SLC25A25: variants seen among roughly 807,000 people sequenced by gnomAD.
SLC25A25 encodes the protein solute carrier family 25 member 25, also known as mitochondrial adenyl nucleotide antiporter SLC25A25.
A neutral mutation model predicts 57.7 loss-of-function variants in SLC25A25; 32 were observed. The ratio of observed to expected loss-of-function variants is 0.55; its 90% CI spans 0.42 to 0.74. The LOEUF (loss-of-function observed/expected upper bound fraction) is 0.74, where lower values mean the gene tolerates loss of function less well. Ranked by LOEUF, SLC25A25 falls within the 30% of genes least tolerant of loss-of-function variation. SLC25A25 has a pLI of 0.00. For missense variants in SLC25A25, 556 were observed against 701.3 expected (o/e 0.79, Z 2.34); for synonymous variants, 306 against 291.2 (o/e 1.05, Z -0.52).
chr9:128,091,484 G>T, intron 1 of SLC25A25: 1 of 987,742 alleles, frequency 1.0e-6, no homozygotes, highest in Non-Finnish European at 1.2e-6. Flanking sequence ...CTGAATAACT[G>T]GGAGCTCGAA....
intron 1 of SLC25A25, among the ~76,000 whole-genome samples, chr9:128,096,464 G>A (rs1273424851): frequency 1.3e-5 from 2 of 152,198 alleles, no homozygotes; most frequent in African/African-American, 2.4e-5. Context: ...AGCCGAGATC[G>A]TGCCACTGCA....
chr9:128,074,636 G>C (rs1385736139), intron 1 of SLC25A25, among the ~76,000 whole-genome samples: 1 of 152,214 alleles, frequency 6.6e-6, no homozygotes, highest in East Asian at 2.0e-4. Flanking sequence ...TTGATCCCAG[G>C]AGACGGAGGT....
intron 1 of SLC25A25, among the ~76,000 whole-genome samples, chr9:128,089,927 G>A (rs1476691840): frequency 1.3e-5 from 2 of 152,018 alleles, no homozygotes; most frequent in Non-Finnish European, 2.9e-5. Context: ...AAGCCACTGC[G>A]CTCGGCCTTC....
intron 1 of SLC25A25, among the ~76,000 whole-genome samples, chr9:128,075,995 C>T (rs944197419): frequency 2.0e-5 from 3 of 152,142 alleles, no homozygotes; most frequent in Admixed American, 6.5e-5. Flanking sequence ...CCTCTTATCT[C>T]GGCTTCCCAA....
At position 128,107,010 on chromosome 9, in the gene SLC25A25, T is replaced by C. The variant is rs376405588; in HGVS notation, c.1213-19T>C. The C allele has an allele frequency of 1.3e-5, 21 of 1,611,274 alleles. No homozygotes were observed. The South Asian group carries it at 1.8e-4, about 14-fold the overall frequency. On this transcript the variant is annotated intron_variant, in intron 9 of 10. Transcript: ENST00000373069. ...CTAGCCCTTCCTAGGGCTTATCCCA[T>C]GCTCCCTTCTCCTTCTAGACGCTCA...
chr9:128,091,872 T>C (rs1182986997), intron 1 of SLC25A25: 1 of 1,607,630 alleles, frequency 6.2e-7, no homozygotes, highest in Non-Finnish European at 8.5e-7. Flanking sequence ...GAGACCGTGA[T>C]GTTGCAGATG....
At chr9:128,092,488 G>C (rs1165041008) in intron 1 of SLC25A25, among the ~76,000 whole-genome samples, 3 of 152,194 alleles carry the variant, frequency 2.0e-5, no homozygotes, top group Admixed American at 1.3e-4. Flanking sequence ...GTTGCTTGGA[G>C]CTGTGGGGGT....
At position 128,107,886 on chromosome 9, in the gene SLC25A25, G is replaced by A. The variant is rs1564199304; in HGVS notation, c.*442G>A. The A allele has an allele frequency of 2.5e-6, 1 of 401,352 alleles. No individual in the cohort carries two copies. Among genetic ancestry groups the A allele is most frequent in the Non-Finnish European group, 4.4e-6 (1 of 227,930 alleles). 24.9% of individuals were successfully genotyped at this position (401,352 alleles called of 1,614,324 possible). On this transcript the variant is annotated 3_prime_UTR_variant, in exon 11 of 11. Transcript: ENST00000373069. ...CCTGTCTGCTGAGGTAAGGTGGGAG[G>A]AGGGCTACAGCCCACATCCCACCCC...
Position 128,101,461 on chromosome 9 carries a change from C to G in SLC25A25, c.476+65C>G, listed in dbSNP as rs1564191969. The G allele has an allele frequency of 6.5e-7, 1 of 1,545,302 alleles. No homozygotes were observed. Among genetic ancestry groups the G allele is most frequent in the Admixed American group, 1.8e-5 (1 of 56,892 alleles). On this transcript the variant is annotated intron_variant, in intron 3 of 10. Transcript: ENST00000373069. This position sits in a 1 kb window ranked among gnomAD's most constrained non-coding sequence, Gnocchi z 4.9. ...ATGAAGGGAAGGCTCTGAGACTAACCCTCCGATGCCATTCCCTGGGCTGAC... is the reference window on the plus strand; with the variant it reads ...ATGAAGGGAAGGCTCTGAGACTAACGCTCCGATGCCATTCCCTGGGCTGAC...
intron 1 of SLC25A25, among the ~76,000 whole-genome samples, chr9:128,078,182 G>C (rs1047769015): frequency 6.6e-6 from 1 of 152,134 alleles, no homozygotes; most frequent in Non-Finnish European, 1.5e-5. Flanking sequence ...CTGCATAAGG[G>C]GGGTGTGTGG....
intron 1 of SLC25A25, among the ~76,000 whole-genome samples, chr9:128,082,148 G>A (rs1421013530): frequency 6.6e-6 from 1 of 152,198 alleles, no homozygotes; most frequent in African/African-American, 2.4e-5. Flanking sequence ...CCACAAGACT[G>A]AGGGTTTTCA....
At chr9:128,069,639 T>A (rs1296309500) in intron 1 of SLC25A25, among the ~76,000 whole-genome samples, 1 of 152,242 alleles carries the variant, frequency 6.6e-6, no homozygotes, top group Non-Finnish European at 1.5e-5. Flanking sequence ...TTCAAGATTC[T>A]TGGATCAACA....
intron 1 of SLC25A25, among the ~76,000 whole-genome samples, chr9:128,086,172 G>T (rs77516209): frequency 6.7e-6 from 1 of 149,646 alleles, no homozygotes; most frequent in Admixed American, 6.7e-5. Flanking sequence ...TTTTGTTGTT[G>T]TTTTTTTTTA....
At chr9:128,083,826 A>T (rs1258790102) in intron 1 of SLC25A25, among the ~76,000 whole-genome samples, 1 of 151,772 alleles carries the variant, frequency 6.6e-6, no homozygotes, top group South Asian at 2.1e-4. Flanking sequence ...CTGAGTGTTA[A>T]TATTTCTAAG....
chr9:128,073,664 T>C (rs899625890), intron 1 of SLC25A25, among the ~76,000 whole-genome samples: 2 of 152,164 alleles, frequency 1.3e-5, no homozygotes, highest in African/African-American at 4.8e-5. Flanking sequence ...AATTCATATA[T>C]TAAACTAATT....
rs1196675836 is a variant in SLC25A25 at position 128,101,372 on chromosome 9, A to G, written c.452A>G (p.Gln151Arg). Residue 151 changes from glutamine (Q) to arginine (R), a missense_variant, in exon 3 of 11, where the codon CAG becomes CGG. By Grantham distance (43) the Gln-to-Arg change is conservative (BLOSUM62 1). Transcript: ENST00000373069. This position sits in a 1 kb window ranked among gnomAD's most constrained non-coding sequence, Gnocchi z 4.9. The stretch of plus-strand genomic sequence containing the variant: ...GACTTGGGAGTCAAGATATCTGAAC[A>G]GCAGGCAGAAAAAATTCTCAAGAGG... ...LRDLGVKISE[Q>R]QAEKILKRIR... The G allele has an allele frequency of 1.2e-6, 2 of 1,614,266 alleles. No homozygotes were observed.
At position 128,068,564 on chromosome 9, in the gene SLC25A25, C is replaced by T. The variant is rs1832832335; in HGVS notation, c.245C>T (p.Thr82Ile). ...VGLRRLGLHR[T>I]EGELQKIVQA... The stretch of plus-strand genomic sequence containing the variant: ...CTGCGGCGCCTGGGACTGCACCGCA[C>T]CGAGGGCGAGCTCCAGGTAGGCTGC... The change falls in exon 1 of 11, where the codon ACC (threonine) becomes ATC (isoleucine). Residue 82 changes from threonine (T) to isoleucine (I), a missense_variant. Thr to Ile is a moderately conservative substitution (Grantham distance 89). Around this residue, in one of 3 missense-constraint regions of SLC25A25, gnomAD observed 248 missense variants for 273.5 expected, o/e 0.91. Transcript: ENST00000373069. 1 of 1,423,140 alleles carries T rather than the reference C, an allele frequency of 7.0e-7. No homozygotes were observed. The highest frequency in any genetic ancestry group is 9.2e-7 in the Non-Finnish European group (1 of 1,091,926). The allele number at this position is 1,423,140 out of a possible 1,614,324, so 88.2% of individuals were successfully genotyped here. A position where few individuals can be genotyped will look rare whatever the true frequency, so the allele number is the denominator to read the frequency against.
At chr9:128,100,941 A>T (rs141730273) in intron 1 of SLC25A25, 155 bp from the exon 2 acceptor site, 2 of 1,017,104 alleles carry the variant, frequency 2.0e-6, no homozygotes, top group African/African-American at 1.6e-5. Context: ...GTCGATTGCC[A>T]TGGTGGCTCT....
chr9:128,099,384 C>A lies in SLC25A25; in HGVS notation c.262-1712C>A, dbSNP rs1303264208. ...TTTGAGAATGCGTTGAAGCCAGCTGCGGTGAGCACACCCTCTGCTCTGGGT... is the reference window on the plus strand; with the variant it reads ...TTTGAGAATGCGTTGAAGCCAGCTGAGGTGAGCACACCCTCTGCTCTGGGT... On this transcript the variant is annotated intron_variant, in intron 1 of 10. Coordinates refer to ENST00000373069, the MANE Select transcript of SLC25A25 (RefSeq NM_001330988.2). The surrounding 1 kb of genome is among the most constrained non-coding windows in gnomAD (Gnocchi z 6.8). 3.3e-6 allele frequency: 4 copies of A among 1,195,808 alleles called. No homozygotes were observed. Among genetic ancestry groups the A allele is most frequent in the Non-Finnish European group, 4.2e-6 (4 of 943,576 alleles). 74.1% of individuals were successfully genotyped at this position (1,195,808 alleles called of 1,614,324 possible).
Sources: allele counts gnomAD v4.1 joint callset (sites outside exome capture counted in the v4.1 genomes callset), GRCh38; gene constraint gnomAD v4.1.1; regional missense constraint gnomAD v4.1.1; non-coding constraint Gnocchi (gnomAD v3.1); transcripts MANE v1.5; gene names NCBI Gene and HGNC (gene_info 2026-07-23, HGNC 2026-07-21).